The following SEPTIN14 variants were observed in gnomAD, a reference collection of about 807,000 sequenced individuals.
SEPTIN14 encodes septin-14.
Under a neutral mutation model 53.6 loss-of-function variants are expected in SEPTIN14, and 40 were observed. The ratio of observed to expected loss-of-function variants is 0.75; its 90% CI spans 0.58 to 0.97. SEPTIN14 has a LOEUF of 0.97. Ranked by LOEUF, SEPTIN14 falls within the 50% of genes least tolerant of loss-of-function variation. The pLI, the probability that SEPTIN14 is intolerant of heterozygous loss-of-function variation, is 0.00. For missense variants in SEPTIN14, 471 were observed against 508.2 expected (o/e 0.93, Z 0.70); for synonymous variants, 138 against 166.8 (o/e 0.83, Z 1.33).
At chr7:55,801,795 C>T (rs1043397446) in intron 9 of SEPTIN14, among the ~76,000 whole-genome samples, 4 of 151,906 alleles carry the variant, frequency 2.6e-5, no homozygotes, top group African/African-American at 9.7e-5. Flanking sequence ...GTGGTACATG[C>T]CTGCGGTCCC....
At chr7:55,802,732 C>G (rs891118813) in intron 9 of SEPTIN14, among the ~76,000 whole-genome samples, 1 of 149,968 alleles carries the variant, frequency 6.7e-6, no homozygotes, top group African/African-American at 2.5e-5. Context: ...ACAACATAGG[C>G]AAAAATGGAC....
chr7:55,842,186 C>CCTAG (rs1279308470), intron 5 of SEPTIN14, among the ~76,000 whole-genome samples: 1 of 152,120 alleles, frequency 6.6e-6, no homozygotes, highest in Non-Finnish European at 1.5e-5. Context: ...TAGGCTATAT[C>CCTAG]ATGTAGGTAT....
chr7:55,824,421 T>C (rs1036367299), intron 6 of SEPTIN14, among the ~76,000 whole-genome samples: 1 of 152,094 alleles, frequency 6.6e-6, no homozygotes, highest in Non-Finnish European at 1.5e-5. Context: ...AATTGCAAAT[T>C]AAAAGAAAAA....
chr7:55,812,471 G>T (rs142308619), intron 7 of SEPTIN14, among the ~76,000 whole-genome samples: 3 of 152,164 alleles, frequency 2.0e-5, no homozygotes, highest in Non-Finnish European at 4.4e-5. Context: ...TTGATCAAAC[G>T]GTACGAAGTT....
At chr7:55,829,185 C>G (rs944894812) in intron 6 of SEPTIN14, among the ~76,000 whole-genome samples, 2 of 151,494 alleles carry the variant, frequency 1.3e-5, no homozygotes, top group Admixed American at 6.6e-5. Context: ...TCCAGATCAG[C>G]CTGGGCAAGA....
chr7:55,845,832 G>A (rs917021150), intron 3 of SEPTIN14, among the ~76,000 whole-genome samples: 13 of 146,718 alleles, frequency 8.9e-5, no homozygotes, highest in African/African-American at 2.0e-4. Context: ...GGCGGATCAC[G>A]AGGTCAGGAG....
intron 9 of SEPTIN14, among the ~76,000 whole-genome samples, chr7:55,800,069 T>C (rs1041703717): frequency 6.6e-6 from 1 of 152,098 alleles, no homozygotes; most frequent in East Asian, 1.9e-4. Flanking sequence ...TAGAAATCAA[T>C]AACAGAAAGA....
Position 55,794,220 on chromosome 7 carries a change from T to C in SEPTIN14, c.*1693A>G, listed in dbSNP as rs1788388659. 1 of 152,136 alleles carries C rather than the reference T, an allele frequency of 6.6e-6. No individual in the cohort carries two copies. The highest frequency in any genetic ancestry group is 2.1e-4 in the South Asian group (1 of 4,828). The allele number at this position is 152,136 out of a possible 1,614,324, so 9.4% of individuals were successfully genotyped here. On this transcript the variant is annotated 3_prime_UTR_variant, in exon 10 of 10. Coordinates refer to ENST00000388975, the MANE Select transcript of SEPTIN14 (RefSeq NM_207366.3). ...ATTCTCAAATGCAGCACAATGATAA[T>C]TTTTATAAGGTAGATGTTATTTTTA...
intron 2 of SEPTIN14, among the ~76,000 whole-genome samples, chr7:55,857,725 C>A (rs760888657): frequency 1.3e-4 from 20 of 149,792 alleles, no homozygotes; most frequent in Non-Finnish European, 2.5e-4. Context: ...GCAGCTGGGA[C>A]TACAGGCGCC....
At chr7:55,834,200 G>T (rs1789162382) in intron 6 of SEPTIN14, among the ~76,000 whole-genome samples, 1 of 152,144 alleles carries the variant, frequency 6.6e-6, no homozygotes, top group Admixed American at 6.5e-5. Context: ...TTATGAGGCA[G>T]CATCCCCTTG....
chr7:55,833,939 C>T (rs2116030508), intron 6 of SEPTIN14, among the ~76,000 whole-genome samples: 1 of 152,026 alleles, frequency 6.6e-6, no homozygotes, highest in East Asian at 1.9e-4. Flanking sequence ...AACTTGACAA[C>T]TTAGAAGAAA....
chr7:55,821,056 T>C (rs963453836), intron 6 of SEPTIN14, among the ~76,000 whole-genome samples: 1 of 152,222 alleles, frequency 6.6e-6, no homozygotes. Flanking sequence ...ATTACTGCCC[T>C]GATTCCAGAA....
intron 6 of SEPTIN14, among the ~76,000 whole-genome samples, chr7:55,824,704 G>A (rs968776897): frequency 2.6e-5 from 4 of 151,922 alleles, no homozygotes; most frequent in Admixed American, 1.3e-4. Context: ...CAGGAGAATC[G>A]CTTGAACCCA....
At chr7:55,832,994 A>G (rs1435963393) in intron 6 of SEPTIN14, among the ~76,000 whole-genome samples, 4 of 152,202 alleles carry the variant, frequency 2.6e-5, no homozygotes, top group African/African-American at 9.6e-5. Flanking sequence ...AAGGAATTCT[A>G]TAGTAGTAAA....
At chr7:55,841,425 C>T (rs1236282052) in intron 5 of SEPTIN14, among the ~76,000 whole-genome samples, 1 of 151,974 alleles carries the variant, frequency 6.6e-6, no homozygotes, top group Non-Finnish European at 1.5e-5. Flanking sequence ...AATACTGAAA[C>T]TTTTTTTATG....
chr7:55,798,401 G>A (rs1040635672), intron 9 of SEPTIN14: 1 of 232,924 alleles, frequency 4.3e-6, no homozygotes, highest in African/African-American at 2.3e-5. Context: ...CCATGGAGGA[G>A]GAGCCCTGGG....
At chr7:55,817,340 G>A (rs954215849) in intron 7 of SEPTIN14, among the ~76,000 whole-genome samples, 18 of 152,114 alleles carry the variant, frequency 1.2e-4, no homozygotes, top group African/African-American at 3.9e-4. Flanking sequence ...TGGTGGTTAC[G>A]TGAGTTAGGT....
At chr7:55,819,365 G>A (rs181727783) in intron 6 of SEPTIN14, 142 bp from the exon 7 acceptor site, 32 of 631,746 alleles carry the variant, frequency 5.1e-5, no homozygotes, top group African/African-American at 3.1e-4. Context: ...CGAGGTGGGC[G>A]GATCATGAGG....
chr7:55,823,109 A>G (rs560814660), intron 6 of SEPTIN14, among the ~76,000 whole-genome samples: 89 of 152,202 alleles, frequency 5.8e-4, no homozygotes, highest in Non-Finnish European at 9.0e-4. Context: ...TAAAGCCTGA[A>G]AGCCAAGTTA....
Sources: gnomAD v4.1 joint callset for allele counts (sites outside exome capture counted in the v4.1 genomes callset) on GRCh38, gnomAD v4.1.1 for gene constraint, MANE v1.5 for transcripts, NCBI Gene and HGNC (gene_info 2026-07-23, HGNC 2026-07-21) for gene names.